Variants in EYS observed in about 807,000 individuals in gnomAD.
EYS encodes the protein EGF-like photoreceptor maintenance factor, also known as protein eyes shut homolog.
In EYS, 250 loss-of-function variants were observed where a neutral mutation model predicts 282.1. The observed-to-expected ratio is 0.89, with a 90% CI of 0.80 to 0.98. The LOEUF is 0.98. Among genes scored for constraint, EYS ranks in the 50% least tolerant of loss-of-function variants. EYS has a pLI of 0.00. For synonymous variants in EYS, 1,355 were observed against 1,282.9 expected (o/e 1.06, Z -1.20); for missense variants, 4,016 against 3,709.0 (o/e 1.08, Z -2.15).
At chr6:65,163,728 G>T (rs1764905098) in intron 12 of EYS, among the ~76,000 whole-genome samples, 1 of 151,148 alleles carries the variant, frequency 6.6e-6, no homozygotes, top group Admixed American at 6.6e-5. Flanking sequence ...AACTATTGAA[G>T]AAAAATTGAA....
At chr6:65,590,801 A>C (rs2127367627) in intron 2 of EYS, among the ~76,000 whole-genome samples, 1 of 151,702 alleles carries the variant, frequency 6.6e-6, no homozygotes, top group South Asian at 2.1e-4. Flanking sequence ...CAAAAAACAG[A>C]ATTTTAATGT....
At chr6:64,552,906 A>C (rs1387150408) in intron 26 of EYS, among the ~76,000 whole-genome samples, 1 of 151,104 alleles carries the variant, frequency 6.6e-6, no homozygotes. Context: ...GCAACAAGTG[A>C]GACTCCATTC....
intron 22 of EYS, among the ~76,000 whole-genome samples, chr6:64,702,773 T>C (rs1770835636): frequency 6.6e-6 from 1 of 152,174 alleles, no homozygotes; most frequent in African/African-American, 2.4e-5. Flanking sequence ...CTATGCACTG[T>C]GAATACAGAC....
At chr6:64,092,209 C>T (rs1772390602) in intron 31 of EYS, among the ~76,000 whole-genome samples, 1 of 152,198 alleles carries the variant, frequency 6.6e-6, no homozygotes, top group Non-Finnish European at 1.5e-5. Flanking sequence ...CTGCAATAAA[C>T]ATACGTGTGC....
At chr6:63,949,675 G>A (rs1313568275) in intron 35 of EYS, among the ~76,000 whole-genome samples, 2 of 152,108 alleles carry the variant, frequency 1.3e-5, no homozygotes, top group Admixed American at 6.5e-5. Context: ...GAGACACACA[G>A]TTATTCTCAT....
chr6:63,986,506 A>G (rs1767374174), intron 34 of EYS, among the ~76,000 whole-genome samples: 1 of 151,850 alleles, frequency 6.6e-6, no homozygotes, highest in African/African-American at 2.4e-5. Context: ...ATAATAGCAA[A>G]GATATGGAAT....
At chr6:65,482,066 T>C (rs530110629) in intron 5 of EYS, among the ~76,000 whole-genome samples, 1 of 151,280 alleles carries the variant, frequency 6.6e-6, no homozygotes, top group Non-Finnish European at 1.5e-5. Context: ...TGCTTTTAAA[T>C]GTTGTGTTAT....
intron 2 of EYS, among the ~76,000 whole-genome samples, chr6:65,537,262 G>A (rs1204768779): frequency 1.3e-5 from 2 of 151,940 alleles, no homozygotes; most frequent in East Asian, 1.9e-4. Context: ...TGGGTTGATG[G>A]GTGCAGCAAA....
At chr6:64,559,271 A>ATGTGTGTGTGTGTGTGTGTG (rs4034160) in intron 26 of EYS, among the ~76,000 whole-genome samples, 2 of 142,208 alleles carry the variant, frequency 1.4e-5, no homozygotes, top group Non-Finnish European at 1.5e-5. Flanking sequence ...GTGTGTGTGC[A>ATGTGTGTGTGTGTGTGTGTG]TGTGTGTGTG....
rs146386089 is a variant in EYS, at chr6:64,919,590, A to G, written c.2382-6847T>C. On this transcript the variant is annotated intron_variant, in intron 15 of 42. Transcript: ENST00000503581. The stretch of plus-strand genomic sequence containing the variant: ...TCAGACATATAATTTATTTATACAC[A>G]TAATTTATAAGTCAATTATTTCAAT... 6.3e-3 allele frequency among the ~76,000 whole-genome samples: 961 copies of G among 152,016 alleles called. 11 individuals carry two copies. The highest frequency in any genetic ancestry group is 8.8e-3 in the Non-Finnish European group (596 of 67,932).
chr6:64,293,988 A>T (rs184512303), intron 30 of EYS, among the ~76,000 whole-genome samples: 126 of 152,306 alleles, frequency 8.3e-4, no homozygotes, highest in African/African-American at 2.9e-3. Context: ...ATGTGATAAT[A>T]AAATTTTTGT....
chr6:65,065,414 G>C (rs550773419), intron 12 of EYS, among the ~76,000 whole-genome samples: 3 of 148,150 alleles, frequency 2.0e-5, no homozygotes, highest in Non-Finnish European at 4.5e-5. Flanking sequence ...ATGGAGTATC[G>C]CTCTGTCTCC....
intron 2 of EYS, among the ~76,000 whole-genome samples, chr6:65,508,322 T>A (rs1340800274): frequency 1.3e-5 from 2 of 152,086 alleles, no homozygotes; most frequent in African/African-American, 4.8e-5. Context: ...TGGTCTATGA[T>A]CCTCCAGTTA....
At chr6:64,236,206 C>T (rs1025823241) in intron 30 of EYS, among the ~76,000 whole-genome samples, 3 of 152,168 alleles carry the variant, frequency 2.0e-5, no homozygotes, top group African/African-American at 7.2e-5. Context: ...ATCTCCTGAC[C>T]TTGTGCTCCA....
chr6:64,521,660 G>T (rs2150525879), intron 26 of EYS, among the ~76,000 whole-genome samples: 1 of 151,816 alleles, frequency 6.6e-6, no homozygotes, highest in Middle Eastern at 3.4e-3. Context: ...TCTTGAAAAG[G>T]GTGACAATGA....
intron 12 of EYS, among the ~76,000 whole-genome samples, chr6:65,245,641 A>G (rs1039301726): frequency 1.3e-5 from 2 of 151,932 alleles, no homozygotes; most frequent in African/African-American, 4.8e-5. Context: ...TTTCTTCTAA[A>G]TTACATTTTT....
intron 33 of EYS, among the ~76,000 whole-genome samples, chr6:64,049,779 T>C (rs898784679): frequency 2.0e-5 from 3 of 152,124 alleles, no homozygotes; most frequent in African/African-American, 7.2e-5. Flanking sequence ...ACTAAGAACA[T>C]TGATATTGCA....
chr6:64,392,337 T>G lies in EYS; in HGVS notation c.5928-3497A>C, dbSNP rs1482221297. Among the ~76,000 whole-genome samples, 173 of 146,786 alleles carry G rather than the reference T, an allele frequency of 1.2e-3. 1 individual carries two copies. Among genetic ancestry groups the G allele is most frequent in the African/African-American group, 4.5e-3 (164 of 36,782 alleles). On this transcript the variant is annotated intron_variant, in intron 28 of 42. Coordinates refer to ENST00000503581, the MANE Select transcript of EYS (RefSeq NM_001142800.2). ...ACAGAATATACATTTTTTTCCAGCA[T>G]CACACCACACCTATTCCAAAATTGA...
chr6:63,815,395 A>G (rs181691309), intron 36 of EYS, among the ~76,000 whole-genome samples: 4 of 152,270 alleles, frequency 2.6e-5, no homozygotes, highest in African/African-American at 4.8e-5. Flanking sequence ...CTACCTCACT[A>G]TGATGGTTGG....
Sources: allele counts gnomAD v4.1 joint callset (sites outside exome capture counted in the v4.1 genomes callset), GRCh38; gene constraint gnomAD v4.1.1; transcripts MANE v1.5; gene names NCBI Gene and HGNC (gene_info 2026-07-23, HGNC 2026-07-21).